The following CNNM1 variants were observed in gnomAD, a reference collection of about 807,000 sequenced individuals.
CNNM1 encodes the protein cyclin and CBS domain divalent metal cation transport mediator 1.
In CNNM1, 44 loss-of-function variants were observed where a neutral mutation model predicts 78.8. The observed-to-expected ratio is 0.56, with a 90% CI of 0.44 to 0.72. CNNM1 has a LOEUF of 0.72. Among genes scored for constraint, CNNM1 ranks in the 30% least tolerant of loss-of-function variants. The pLI is 0.00. For synonymous variants in CNNM1, 584 were observed against 581.5 expected, an observed-to-expected ratio of 1.00 and a Z score of -0.06; for missense variants, 1,101 against 1,292.2, an observed-to-expected ratio of 0.85 and a Z score of 2.27.
chr10:99,374,259 G>C (rs138213526), intron 6 of CNNM1, among the ~76,000 whole-genome samples: 30 of 152,246 alleles, frequency 2.0e-4, no homozygotes, highest in African/African-American at 6.7e-4. Flanking sequence ...CACTGTCCCT[G>C]TCCCCGTCAG....
chr10:99,355,224 A>G (rs1026522458), intron 1 of CNNM1, among the ~76,000 whole-genome samples: 4 of 143,468 alleles, frequency 2.8e-5, no homozygotes, highest in African/African-American at 1.0e-4. Flanking sequence ...GAATTGAACA[A>G]TGAGAACACA....
chr10:99,369,922 A>T (rs1343914223), intron 6 of CNNM1, among the ~76,000 whole-genome samples: 1 of 152,208 alleles, frequency 6.6e-6, no homozygotes, highest in Non-Finnish European at 1.5e-5. Context: ...GGTGAATGCC[A>T]AGAGTGTGCT....
chr10:99,337,760 C>CA (rs2030256195), intron 1 of CNNM1, among the ~76,000 whole-genome samples: 1 of 152,154 alleles, frequency 6.6e-6, no homozygotes, highest in Admixed American at 6.5e-5. Context: ...ATGCATATGA[C>CA]ACATAGTAAA....
rs1261576895 is a variant in CNNM1 at position 99,392,920 on chromosome 10, T to G, written c.*1404T>G. 1 of 149,392 alleles carries G rather than the reference T, an allele frequency of 6.7e-6. No homozygotes were observed. Among genetic ancestry groups the G allele is most frequent in the Non-Finnish European group, 1.5e-5 (1 of 67,806 alleles). The allele number at this position is 149,392 out of a possible 1,614,324, so 9.3% of individuals were successfully genotyped here. On this transcript the variant is annotated 3_prime_UTR_variant, in exon 11 of 11. Coordinates refer to ENST00000356713, the MANE Select transcript of CNNM1 (RefSeq NM_020348.3). ...TTGCAGTGAGCTGAGATCACACCAC[T>G]GCACTTCATCCTAGGCAACAGAGCG...
intron 4 of CNNM1, among the ~76,000 whole-genome samples, chr10:99,363,109 C>T (rs946168150): frequency 1.3e-5 from 2 of 152,198 alleles, no homozygotes; most frequent in African/African-American, 4.8e-5. Context: ...AGCTCTGTCA[C>T]TGATTCCCTG....
In CNNM1 at chr10:99,348,960, C is replaced by T. The variant is rs184119732; in HGVS notation, c.1574-8552C>T. Among the ~76,000 whole-genome samples, 145 of 152,262 alleles carry T rather than the reference C, an allele frequency of 9.5e-4. 2 individuals are homozygous for T. The highest frequency in any genetic ancestry group is 3.4e-3 in the Middle Eastern group (1 of 294). ...TGGCTTGAGTCTGTTGTCTTAGCTA[C>T]TCAGGAGGCTGAGGTGGGAGGATCC... On this transcript the variant is annotated intron_variant, in intron 1 of 10. Coordinates refer to ENST00000356713, the MANE Select transcript of CNNM1 (RefSeq NM_020348.3).
chr10:99,362,141 C>A, intron 3 of CNNM1, 86 bp from the exon 4 acceptor site: 1 of 1,300,822 alleles, frequency 7.7e-7, no homozygotes, highest in Non-Finnish European at 1.0e-6. Context: ...CAGTTGTGCC[C>A]ACTCTGACTC....
At chr10:99,372,078 TA>T (rs1455366132) in intron 6 of CNNM1, among the ~76,000 whole-genome samples, 7 of 152,312 alleles carry the variant, frequency 4.6e-5, no homozygotes, top group Admixed American at 4.6e-4. Context: ...GCTCCCTGGA[TA>T]CAGGTGTCAC....
intron 1 of CNNM1, among the ~76,000 whole-genome samples, chr10:99,352,462 AGACT>A (rs1402835740): frequency 1.3e-5 from 2 of 152,260 alleles, no homozygotes; most frequent in Non-Finnish European, 2.9e-5. Context: ...AGGAACCACC[AGACT>A]ATTTTTCAAT....
chr10:99,356,403 A>G (rs1053624064), intron 1 of CNNM1, among the ~76,000 whole-genome samples: 22 of 151,248 alleles, frequency 1.5e-4, no homozygotes, highest in Non-Finnish European at 8.9e-5. Context: ...TTGAACCCGG[A>G]AGGCGGAGGT....
chr10:99,371,740 G>A (rs552433875), intron 6 of CNNM1, among the ~76,000 whole-genome samples: 37 of 152,228 alleles, frequency 2.4e-4, no homozygotes, highest in African/African-American at 8.7e-4. Context: ...AGTTCACATC[G>A]TAGTTTTGAC....
At chr10:99,350,145 A>G (rs2030883452) in intron 1 of CNNM1, among the ~76,000 whole-genome samples, 1 of 152,214 alleles carries the variant, frequency 6.6e-6, no homozygotes, top group African/African-American at 2.4e-5. Context: ...TCCAAGGAAT[A>G]CATTTCCATT....
rs373551590 is a variant in CNNM1 at position 99,376,079 on chromosome 10, C to G, written c.2177-976C>G. Among the ~76,000 whole-genome samples the G allele has an allele frequency of 3.5e-4, 53 of 152,356 alleles. No homozygotes were observed. The East Asian group carries it at 9.3e-3, about 27-fold the overall frequency. ...GGCCTGCAGATGATCCCAGTGCCCCCCTCAGGCCTATGCAAGACGGGGCCC... is the reference window on the plus strand; with the variant it reads ...GGCCTGCAGATGATCCCAGTGCCCCGCTCAGGCCTATGCAAGACGGGGCCC... On this transcript the variant is annotated intron_variant, in intron 6 of 10. Coordinates refer to ENST00000356713, the MANE Select transcript of CNNM1 (RefSeq NM_020348.3).
intron 6 of CNNM1, among the ~76,000 whole-genome samples, chr10:99,372,936 A>G (rs1056078032): frequency 3.0e-4 from 46 of 152,238 alleles, no homozygotes; most frequent in African/African-American, 1.0e-3. Context: ...TTATAAATAA[A>G]CTTTCAATAA....
chr10:99,346,981 A>G (rs1168909962), intron 1 of CNNM1, among the ~76,000 whole-genome samples: 1 of 152,100 alleles, frequency 6.6e-6, no homozygotes, highest in Non-Finnish European at 1.5e-5. Flanking sequence ...GCATGCTCTC[A>G]CTTATGAGTG....
rs1191524495 is a variant in CNNM1, at chr10:99,362,350, T to C, written c.1982T>C (p.Leu661Pro). 6.2e-7 allele frequency: 1 copy of C among 1,613,996 alleles called. No individual in the cohort carries two copies. Among genetic ancestry groups the C allele is most frequent in the Non-Finnish European group, 8.5e-7 (1 of 1,179,868 alleles). ...EKNKKAPEHY[L>P]YQRNRPVDYF... ...AACAAGAAGGCCCCGGAACACTACCTCTACCAGCGCAACCGCCCTGTGGAC... is the reference window on the plus strand; with the variant it reads ...AACAAGAAGGCCCCGGAACACTACCCCTACCAGCGCAACCGCCCTGTGGAC... Residue 661 changes from leucine to proline, a missense_variant, in exon 4 of 11, where the codon CTC becomes CCC. Leu to Pro is a moderately conservative substitution (Grantham distance 98, BLOSUM62 -3). Coordinates refer to ENST00000356713, the MANE Select transcript of CNNM1 (RefSeq NM_020348.3).
At chr10:99,379,965 T>C (rs2032088048) in intron 7 of CNNM1, among the ~76,000 whole-genome samples, 1 of 151,926 alleles carries the variant, frequency 6.6e-6, no homozygotes, top group African/African-American at 2.4e-5. Flanking sequence ...AGTTTGCAGA[T>C]TACCTCTCAT....
At chr10:99,362,463 A>G in intron 4 of CNNM1, 67 bp downstream of exon 4, 4 of 1,510,438 alleles carry the variant, frequency 2.6e-6, no homozygotes, top group Non-Finnish European at 3.6e-6. Flanking sequence ...AGAAATGGCC[A>G]TGCCTCCGTC....
intron 1 of CNNM1, among the ~76,000 whole-genome samples, chr10:99,352,825 G>T (rs2030995686): frequency 1.3e-5 from 2 of 151,752 alleles, no homozygotes; most frequent in Non-Finnish European, 2.9e-5. Flanking sequence ...TCTTGGTGGT[G>T]TACTTTGCAC....
Sources: gnomAD v4.1 joint callset for allele counts (sites outside exome capture counted in the v4.1 genomes callset) on GRCh38, gnomAD v4.1.1 for gene constraint, MANE v1.5 for transcripts, NCBI Gene and HGNC (gene_info 2026-07-23, HGNC 2026-07-21) for gene names.